CACNA2D1: variants seen among roughly 807,000 people sequenced by gnomAD.
CACNA2D1 encodes calcium voltage-gated channel auxiliary subunit alpha2delta 1.
A neutral mutation model predicts 171.5 loss-of-function variants in CACNA2D1; 53 were observed. That is an observed-to-expected ratio of 0.31 (90% CI 0.25 to 0.39). The LOEUF is 0.39. Among genes scored for constraint, CACNA2D1 ranks in the 10% least tolerant of loss-of-function variants. The pLI, the probability that CACNA2D1 is intolerant of heterozygous loss-of-function variation, is 1.00. For synonymous variants in CACNA2D1, 442 were observed against 443.1 expected, an observed-to-expected ratio of 1.00 and a Z score of 0.03; for missense variants, 903 against 1,299.8, an observed-to-expected ratio of 0.69 and a Z score of 4.69.
intron 2 of CACNA2D1, among the ~76,000 whole-genome samples, chr7:82,337,391 C>T (rs1269441214): frequency 1.3e-5 from 2 of 152,086 alleles, no homozygotes; most frequent in Non-Finnish European, 1.5e-5. Flanking sequence ...TATTGCAAAG[C>T]TCTCCTGATA....
At chr7:81,967,545 G>T (rs1351904160) in intron 30 of CACNA2D1, 51 bp downstream of exon 30, 18 of 976,602 alleles carry the variant, frequency 1.8e-5, no homozygotes, top group Admixed American at 8.0e-5. Context: ...TTTTTCTATT[G>T]AATTTTGAAA....
At chr7:82,424,047 G>T (rs1457416171) in intron 1 of CACNA2D1, among the ~76,000 whole-genome samples, 2 of 151,832 alleles carry the variant, frequency 1.3e-5, no homozygotes, top group African/African-American at 2.4e-5. Flanking sequence ...CTTTGCAATG[G>T]ATATAAAATT....
At chr7:82,338,346 T>C (rs1563391429) in intron 2 of CACNA2D1, among the ~76,000 whole-genome samples, 1 of 151,584 alleles carries the variant, frequency 6.6e-6, no homozygotes, top group African/African-American at 2.4e-5. Flanking sequence ...AAAAAAAAAG[T>C]TTTTTAGAGA....
At chr7:82,060,644 A>ATAT in intron 9 of CACNA2D1, 117 bp from the exon 10 acceptor site, 1 of 556,190 alleles carries the variant, frequency 1.8e-6, no homozygotes, top group Non-Finnish European at 3.0e-6. Flanking sequence ...TTTAAATAAT[A>ATAT]ATTTTGCCCT....
At chr7:82,121,763 GC>G (rs1337390516) in intron 5 of CACNA2D1, among the ~76,000 whole-genome samples, 5 of 105,286 alleles carry the variant, frequency 4.7e-5, no homozygotes, top group African/African-American at 1.8e-4. Context: ...TATTGTTCTT[GC>G]AAAAAAACAT....
chr7:82,119,581 T>A (rs1301093712), intron 5 of CACNA2D1, among the ~76,000 whole-genome samples: 3 of 152,184 alleles, frequency 2.0e-5, no homozygotes, highest in African/African-American at 7.2e-5. Context: ...TTTTTAATAT[T>A]TTGTTCTTTT....
chr7:82,035,604 G>T (rs1361672808), intron 11 of CACNA2D1, among the ~76,000 whole-genome samples: 1 of 152,032 alleles, frequency 6.6e-6, no homozygotes, highest in Non-Finnish European at 1.5e-5. Flanking sequence ...TAATAAATCT[G>T]GAAGTTAATG....
chr7:82,194,884 T>A (rs1176118311), intron 3 of CACNA2D1, among the ~76,000 whole-genome samples: 1 of 151,772 alleles, frequency 6.6e-6, no homozygotes, highest in Non-Finnish European at 1.5e-5. Context: ...TTCACATCTA[T>A]CCAGCACAAG....
chr7:82,298,953 C>T (rs1812637142), intron 3 of CACNA2D1, among the ~76,000 whole-genome samples: 2 of 151,316 alleles, frequency 1.3e-5, no homozygotes, highest in South Asian at 4.2e-4. Flanking sequence ...ATCCCAGCTA[C>T]TCGGGAGACT....
intron 3 of CACNA2D1, among the ~76,000 whole-genome samples, chr7:82,286,278 G>A (rs1810755083): frequency 6.6e-6 from 1 of 152,014 alleles, no homozygotes; most frequent in South Asian, 2.1e-4. Context: ...TGTTTTTCCT[G>A]TCTTATCACT....
chr7:82,217,910 A>ATTATTTATTTATTTATTTATTTAT (rs60997591), intron 3 of CACNA2D1, among the ~76,000 whole-genome samples: 23 of 143,828 alleles, frequency 1.6e-4, no homozygotes, highest in African/African-American at 3.1e-4. Context: ...CCAAGACTAC[A>ATTATTTATTTATTTATTTATTTAT]TTATTTATTT....
chr7:82,076,492 G>A (rs1298168053), intron 7 of CACNA2D1, among the ~76,000 whole-genome samples: 1 of 152,022 alleles, frequency 6.6e-6, no homozygotes, highest in Non-Finnish European at 1.5e-5. Context: ...ATACTCAACT[G>A]ACACTCTACA....
chr7:82,333,582 GC>G (rs898624035), intron 3 of CACNA2D1, among the ~76,000 whole-genome samples: 1 of 151,584 alleles, frequency 6.6e-6, no homozygotes, highest in African/African-American at 2.4e-5. Context: ...GGAAAGACCC[GC>G]CCCCATGATT....
chr7:82,138,744 C>T (rs147817784), intron 4 of CACNA2D1, among the ~76,000 whole-genome samples: 64 of 152,130 alleles, frequency 4.2e-4, no homozygotes, highest in African/African-American at 5.1e-4. Flanking sequence ...CCGCGCCCGA[C>T]CTTATAGCAT....
At chr7:82,250,995 GAATA>G (rs1805566219) in intron 3 of CACNA2D1, among the ~76,000 whole-genome samples, 1 of 151,764 alleles carries the variant, frequency 6.6e-6, no homozygotes, top group Non-Finnish European at 1.5e-5. Flanking sequence ...CTATTTATTT[GAATA>G]AATAAAGCCA....
At chr7:82,180,389 G>A (rs1041248392) in intron 3 of CACNA2D1, among the ~76,000 whole-genome samples, 4 of 152,090 alleles carry the variant, frequency 2.6e-5, no homozygotes, top group Non-Finnish European at 5.9e-5. Context: ...ATACTGATGC[G>A]AACACAAAGC....
intron 1 of CACNA2D1, among the ~76,000 whole-genome samples, chr7:82,398,244 T>C (rs1825949353): frequency 6.6e-6 from 1 of 152,062 alleles, no homozygotes. Flanking sequence ...AAGAGAAAGA[T>C]CTCAATTTCT....
intron 5 of CACNA2D1, among the ~76,000 whole-genome samples, chr7:82,130,829 C>T (rs1450062327): frequency 1.5e-5 from 2 of 133,484 alleles, no homozygotes; most frequent in Non-Finnish European, 3.1e-5. Flanking sequence ...CAGAGTCTCG[C>T]TCTGTTGCCC....
At position 82,423,656 on chromosome 7, in the gene CACNA2D1, G is replaced by A. The variant is rs553054606; in HGVS notation, c.95+19709C>T. On this transcript the variant is annotated intron_variant, in intron 1 of 38. Coordinates refer to ENST00000356860, the MANE Select transcript of CACNA2D1 (RefSeq NM_000722.4). ...ATTACTTTGAGGAAAAGGCCATTGCGATCCATAGCTAAAATAGAAAGTAAG... is the reference window on the plus strand; with the variant it reads ...ATTACTTTGAGGAAAAGGCCATTGCAATCCATAGCTAAAATAGAAAGTAAG... Among the ~76,000 whole-genome samples the A allele has an allele frequency of 9.9e-5, 15 of 152,242 alleles. No homozygotes were observed. In the East Asian group the frequency reaches 1.4e-3, roughly 14 times the overall value.
Sources: gnomAD v4.1 joint callset for allele counts (sites outside exome capture counted in the v4.1 genomes callset) on GRCh38, gnomAD v4.1.1 for gene constraint, MANE v1.5 for transcripts, NCBI Gene and HGNC (gene_info 2026-07-23, HGNC 2026-07-21) for gene names.